LGR4: variants seen among roughly 807,000 people sequenced by gnomAD.
LGR4 encodes the protein leucine-rich repeat-containing G protein-coupled receptor 4.
Under a neutral mutation model 84.8 loss-of-function variants are expected in LGR4, and 44 were observed. The observed-to-expected ratio is 0.52, with a 90% confidence interval of 0.41 to 0.67. The LOEUF (loss-of-function observed/expected upper bound fraction) is 0.67. Among genes scored for constraint, LGR4 ranks in the 30% least tolerant of loss-of-function variants. The probability of loss-of-function intolerance (pLI) is 0.00; values close to 1 mark genes in which losing one functional copy is unlikely to be tolerated. For synonymous variants in LGR4, 429 were observed against 434.3 expected, an observed-to-expected ratio of 0.99 and a Z score of 0.15; for missense variants, 1,032 against 1,131.4, an observed-to-expected ratio of 0.91 and a Z score of 1.26.
intron 1 of LGR4, among the ~76,000 whole-genome samples, chr11:27,465,974 G>C (rs1864770412): frequency 6.6e-6 from 1 of 152,120 alleles, no homozygotes; most frequent in Non-Finnish European, 1.5e-5. Flanking sequence ...AAGAAAAAAA[G>C]TCATCCATAT....
At chr11:27,428,922 T>C (rs567188618) in intron 1 of LGR4, among the ~76,000 whole-genome samples, 1 of 152,096 alleles carries the variant, frequency 6.6e-6, no homozygotes, top group East Asian at 1.9e-4. Context: ...TTTTTGTCCA[T>C]GTAGCCGGTA....
At position 27,391,091 on chromosome 11, in the gene LGR4, T is replaced by A; in HGVS notation, c.401+3A>T. 3 of 1,587,244 alleles carry A rather than the reference T, an allele frequency of 1.9e-6. No homozygotes were observed. The highest frequency in any genetic ancestry group is 2.6e-6 in the Non-Finnish European group (3 of 1,159,488). ...TGAGTCAAGAAACCAAGAAGTTACT[T>A]ACAAAGACTGCAAAGCACTCAGCCC... is the stretch of plus-strand genomic sequence containing the variant. On this transcript the variant is annotated splice_donor_region_variant and intron_variant, in intron 4 of 17. Coordinates refer to ENST00000379214, the MANE Select transcript of LGR4 (RefSeq NM_018490.5).
At chr11:27,448,417 T>C (rs6484299) in intron 1 of LGR4, among the ~76,000 whole-genome samples, 42,779 of 151,638 alleles carry the variant, frequency 0.28, 8,044 homozygotes, top group African/African-American at 0.54. Context: ...CTCAGCCTCC[T>C]GAGTAGCTGG....
At chr11:27,447,827 A>G (rs1864416920) in intron 1 of LGR4, among the ~76,000 whole-genome samples, 1 of 152,184 alleles carries the variant, frequency 6.6e-6, no homozygotes, top group African/African-American at 2.4e-5. Flanking sequence ...ACTAATGTGC[A>G]TTTTGTCAAC....
intron 10 of LGR4, 51 bp from the exon 11 acceptor site, chr11:27,378,819 G>C (rs372177797): frequency 1.5e-6 from 2 of 1,320,426 alleles, no homozygotes; most frequent in African/African-American, 2.9e-5. Flanking sequence ...AAGATAGTAA[G>C]CAAAATTTAT....
intron 4 of LGR4, among the ~76,000 whole-genome samples, chr11:27,385,980 A>G (rs11029990): frequency 0.32 from 48,373 of 151,994 alleles, 7,874 homozygotes; most frequent in South Asian, 0.43. Flanking sequence ...ATCTAAATAG[A>G]TTTTCAATCA....
chr11:27,472,480 G>A lies in LGR4; in HGVS notation c.-178C>T, dbSNP rs1421762032. ...CGCCGCAGCGGCGCAGGGACGCGGC[G>A]CTCCGGAGTTTCGCCCTTCCCGCTG... On this transcript the variant is annotated 5_prime_UTR_variant, in exon 1 of 18. Coordinates refer to ENST00000379214, the MANE Select transcript of LGR4 (RefSeq NM_018490.5). 16 of 410,424 alleles carry A rather than the reference G, an allele frequency of 3.9e-5. No individual in the cohort carries two copies. Among genetic ancestry groups the A allele is most frequent in the African/African-American group, 2.3e-4 (11 of 48,462 alleles). 25.4% of individuals were successfully genotyped at this position (410,424 alleles called of 1,614,324 possible). A position where few individuals can be genotyped will look rare whatever the true frequency, so the allele number is the denominator to read the frequency against.
intron 1 of LGR4, among the ~76,000 whole-genome samples, chr11:27,431,788 T>C (rs1003893517): frequency 7.9e-5 from 12 of 152,252 alleles, no homozygotes; most frequent in African/African-American, 1.4e-4. Context: ...TCTCAGGCAG[T>C]AGAACATGAC....
chr11:27,433,467 G>A lies in LGR4; in HGVS notation c.186-20607C>T, dbSNP rs1181235010. Among the ~76,000 whole-genome samples the A allele has an allele frequency of 2.7e-5, 4 of 150,196 alleles. No homozygotes were observed. The East Asian group carries it at 7.8e-4, about 29-fold the overall frequency. ...AGGATGGTCTCCATCTCCTGACCTT[G>A]TAATCTGCCCACCTCAGCCTCCCAA... On this transcript the variant is annotated intron_variant, in intron 1 of 17. Transcript: ENST00000379214.
intron 1 of LGR4, among the ~76,000 whole-genome samples, chr11:27,443,457 T>C (rs569198487): frequency 2.7e-4 from 41 of 152,272 alleles, no homozygotes; most frequent in East Asian, 7.7e-4. Flanking sequence ...GACTCTGTTT[T>C]CCCCTAATTA....
intron 1 of LGR4, among the ~76,000 whole-genome samples, chr11:27,451,609 A>G (rs1454181682): frequency 6.6e-6 from 1 of 152,232 alleles, no homozygotes; most frequent in Non-Finnish European, 1.5e-5. Context: ...GGTAATCTAG[A>G]CTATTGTTGC....
At chr11:27,458,690 C>A (rs1864620717) in intron 1 of LGR4, among the ~76,000 whole-genome samples, 1 of 152,076 alleles carries the variant, frequency 6.6e-6, no homozygotes, top group South Asian at 2.1e-4. Flanking sequence ...AGCCACCCAC[C>A]ACCATGCCCA....
chr11:27,443,447 G>A (rs897259768), intron 1 of LGR4, among the ~76,000 whole-genome samples: 2 of 152,144 alleles, frequency 1.3e-5, no homozygotes, highest in African/African-American at 2.4e-5. Context: ...TCAGCAAGAC[G>A]ACTCTGTTTT....
intron 6 of LGR4, 97 bp downstream of exon 6, chr11:27,384,239 G>C: frequency 2.6e-6 from 2 of 762,148 alleles, no homozygotes; most frequent in Non-Finnish European, 4.5e-6. Flanking sequence ...ATAAGGAGCT[G>C]AACTTAAGGC....
Position 27,382,204 on chromosome 11 carries a change from G to T in LGR4, c.742C>A (p.Pro248Thr). The part of the protein sequence containing the change: ...GEFPQAIKAL[P>T]SLKELGFHSN... ...AATACTCACAGCTCTTTAAGGCTAGGAAGGGCTTTAATAGCCTGAGGAAAT... is the reference window on the plus strand; with the variant it reads ...AATACTCACAGCTCTTTAAGGCTAGTAAGGGCTTTAATAGCCTGAGGAAAT... Residue 248 changes from proline to threonine, a missense_variant, in exon 7 of 18, where the codon CCT becomes ACT. Physicochemically the swap from Pro to Thr is conservative, Grantham distance 38. Transcript: ENST00000379214. 1 of 1,608,028 alleles carries T rather than the reference G, an allele frequency of 6.2e-7. No individual in the cohort carries two copies. The highest frequency in any genetic ancestry group is 8.5e-7 in the Non-Finnish European group (1 of 1,174,840).
intron 1 of LGR4, among the ~76,000 whole-genome samples, chr11:27,414,344 C>T (rs908476986): frequency 6.6e-6 from 1 of 151,356 alleles, no homozygotes; most frequent in Non-Finnish European, 1.5e-5. Flanking sequence ...AACACCTTGA[C>T]ATAATTATCC....
intron 2 of LGR4, among the ~76,000 whole-genome samples, chr11:27,394,902 T>G (rs982344518): frequency 6.6e-6 from 1 of 151,998 alleles, no homozygotes; most frequent in African/African-American, 2.4e-5. Context: ...AAACTTCTGT[T>G]ACCACCCACC....
intron 1 of LGR4, among the ~76,000 whole-genome samples, chr11:27,451,958 G>C (rs1261895379): frequency 2.0e-5 from 3 of 152,162 alleles, no homozygotes; most frequent in African/African-American, 7.2e-5. Flanking sequence ...ACATAAAAGA[G>C]AATTCACATA....
chr11:27,421,155 A>T (rs1400569366), intron 1 of LGR4, among the ~76,000 whole-genome samples: 1 of 152,218 alleles, frequency 6.6e-6, no homozygotes, highest in Non-Finnish European at 1.5e-5. Context: ...GAAGAAACCC[A>T]GACCTGCTTA....
Sources: allele counts gnomAD v4.1 joint callset (sites outside exome capture counted in the v4.1 genomes callset), GRCh38; gene constraint gnomAD v4.1.1; transcripts MANE v1.5; gene names NCBI Gene and HGNC (gene_info 2026-07-23, HGNC 2026-07-21).